NTNG2: variants seen among roughly 807,000 people sequenced by gnomAD.
NTNG2 encodes the protein netrin-G2.
Under a neutral mutation model 47.6 loss-of-function variants are expected in NTNG2, and 15 were observed. That is an observed-to-expected ratio of 0.32 (90% CI 0.21 to 0.49). The LOEUF (loss-of-function observed/expected upper bound fraction) is 0.49, where lower values mean the gene tolerates loss of function less well. NTNG2 is among the 20% of genes least tolerant of loss of function. The pLI, the probability that NTNG2 is intolerant of heterozygous loss-of-function variation, is 0.99. For synonymous variants in NTNG2, 307 were observed against 324.6 expected, an observed-to-expected ratio of 0.95 and a Z score of 0.58; for missense variants, 578 against 764.6, an observed-to-expected ratio of 0.76 and a Z score of 2.88.
At chr9:132,194,184 G>A (rs1838104797) in intron 2 of NTNG2, among the ~76,000 whole-genome samples, 1 of 152,212 alleles carries the variant, frequency 6.6e-6, no homozygotes, top group Non-Finnish European at 1.5e-5. Flanking sequence ...ACTTCAGGAA[G>A]GGAGTGATGG....
intron 2 of NTNG2, among the ~76,000 whole-genome samples, chr9:132,167,605 G>A (rs1449844268): frequency 6.6e-6 from 1 of 152,218 alleles, no homozygotes; most frequent in Non-Finnish European, 1.5e-5. Context: ...AGCTGGGACA[G>A]ACAGTGCAGC....
In NTNG2 at chr9:132,162,569, AGTGTGTGTGTGTGTGTGTGTGTGTGT is replaced by A. The variant is rs769570116; in HGVS notation, c.-484+353_-484+378del. 1.8e-5 allele frequency among the ~76,000 whole-genome samples: 2 copies of A among 112,404 alleles called. No homozygotes were observed. The highest frequency in any genetic ancestry group is 3.6e-5 in the Non-Finnish European group (2 of 55,294). The allele number at this position is 112,404 out of a possible 152,430, so 73.7% of individuals were successfully genotyped here. On this transcript the variant is annotated intron_variant, in intron 1 of 7. Transcript: ENST00000393229. This position sits in a 1 kb window ranked among gnomAD's most constrained non-coding sequence, Gnocchi z 4.6. ...GTGTGTGTGTGTGAGAGAGAGACAG[AGTGTGTGTGTGTGTGTGTGTGTGTGT>A]GTGTGTGTGTGTGTGTGTGTGTCGG... is the stretch of plus-strand genomic sequence containing the variant.
intron 3 of NTNG2, among the ~76,000 whole-genome samples, chr9:132,219,384 C>T (rs1248299455): frequency 1.3e-5 from 2 of 151,768 alleles, no homozygotes; most frequent in African/African-American, 2.4e-5. Context: ...ATTAGCATGG[C>T]CAACATGGCA....
chr9:132,175,349 G>A (rs1302162807), intron 2 of NTNG2, among the ~76,000 whole-genome samples: 1 of 152,190 alleles, frequency 6.6e-6, no homozygotes, highest in Non-Finnish European at 1.5e-5. Context: ...CTCTGAAGGA[G>A]CAAGAGGGGC....
chr9:132,225,557 A>G (rs1276376803), intron 3 of NTNG2, among the ~76,000 whole-genome samples: 2 of 152,214 alleles, frequency 1.3e-5, no homozygotes, highest in Non-Finnish European at 2.9e-5. Flanking sequence ...GGTGTGCACC[A>G]CCACGCCTAG....
rs1840145176 is a variant in NTNG2, at chr9:132,218,576, A to C, written c.858-8273A>C. Among the ~76,000 whole-genome samples, 1 of 152,002 alleles carries C rather than the reference A, an allele frequency of 6.6e-6. No homozygotes were observed. The highest frequency in any genetic ancestry group is 2.4e-5 in the African/African-American group (1 of 41,352). On this transcript the variant is annotated intron_variant, in intron 3 of 7. Transcript: ENST00000393229. The surrounding 1 kb of genome is among the most constrained non-coding windows in gnomAD (Gnocchi z 5.4). ...CAATGGCATGACCTCGGCCTACTGC[A>C]ACCTCCACCTGTTGGGTTCAAGCGA...
At chr9:132,188,838 G>A (rs1003437990) in intron 2 of NTNG2, among the ~76,000 whole-genome samples, 1 of 152,158 alleles carries the variant, frequency 6.6e-6, no homozygotes, top group Non-Finnish European at 1.5e-5. Flanking sequence ...CCGAGTCCCT[G>A]AGGAGGGCCG....
chr9:132,173,338 G>A (rs1041425691), intron 2 of NTNG2, among the ~76,000 whole-genome samples: 4 of 152,158 alleles, frequency 2.6e-5, no homozygotes, highest in African/African-American at 9.7e-5. Context: ...TGAGAAGACC[G>A]AGGCCCGGGG....
intron 2 of NTNG2, among the ~76,000 whole-genome samples, chr9:132,193,643 T>C (rs1173696922): frequency 6.6e-6 from 1 of 152,104 alleles, no homozygotes; most frequent in Non-Finnish European, 1.5e-5. Context: ...AGACATCCTC[T>C]GGGGAAATAG....
At chr9:132,234,114 G>C (rs865804885) in intron 5 of NTNG2, among the ~76,000 whole-genome samples, 1 of 148,046 alleles carries the variant, frequency 6.8e-6, no homozygotes, top group Non-Finnish European at 1.5e-5. Flanking sequence ...TGCAACCTCC[G>C]CCCCCCCAGG....
chr9:132,205,549 A>G (rs901803430), intron 3 of NTNG2, among the ~76,000 whole-genome samples: 2 of 152,206 alleles, frequency 1.3e-5, no homozygotes, highest in African/African-American at 2.4e-5. Context: ...CTTGCACAGC[A>G]CTGTGGATGT....
chr9:132,224,334 A>G (rs184604868), intron 3 of NTNG2, among the ~76,000 whole-genome samples: 4 of 152,210 alleles, frequency 2.6e-5, no homozygotes, highest in Non-Finnish European at 5.9e-5. Context: ...TGTTATTTAC[A>G]TTAGGACTCA....
At chr9:132,187,558 C>T (rs952733247) in intron 2 of NTNG2, among the ~76,000 whole-genome samples, 4 of 111,704 alleles carry the variant, frequency 3.6e-5, no homozygotes, top group African/African-American at 8.1e-5. Context: ...ACACAGAGAG[C>T]GAGAGGGAGC....
intron 6 of NTNG2, among the ~76,000 whole-genome samples, chr9:132,239,718 G>A (rs946376964): frequency 3.3e-5 from 5 of 152,234 alleles, no homozygotes; most frequent in African/African-American, 1.2e-4. Flanking sequence ...GGCCCAGTTG[G>A]GGGCCAAAAG....
At chr9:132,213,822 C>T (rs1839781582) in intron 3 of NTNG2, among the ~76,000 whole-genome samples, 3 of 152,228 alleles carry the variant, frequency 2.0e-5, no homozygotes, top group Non-Finnish European at 4.4e-5. Flanking sequence ...TACCAGAGCT[C>T]TGCGAGGCCA....
rs575068865 is a variant in NTNG2, at chr9:132,221,159, C to A, written c.858-5690C>A. Among the ~76,000 whole-genome samples, 1 of 152,184 alleles carries A rather than the reference C, an allele frequency of 6.6e-6. No homozygotes were observed. Among genetic ancestry groups the A allele is most frequent in the African/African-American group, 2.4e-5 (1 of 41,518 alleles). On this transcript the variant is annotated intron_variant, in intron 3 of 7. Coordinates refer to ENST00000393229, the MANE Select transcript of NTNG2 (RefSeq NM_032536.4). This position sits in a 1 kb window ranked among gnomAD's most constrained non-coding sequence, Gnocchi z 4.2. Reference sequence around the variant, plus strand: ...AGGTAGGGGTTGTGAAAGGCCTCCCCAAAGAAGTGGCATTTGGCCTAGAAT... The same window carrying A: ...AGGTAGGGGTTGTGAAAGGCCTCCCAAAAGAAGTGGCATTTGGCCTAGAAT...
chr9:132,166,726 C>T lies in NTNG2; in HGVS notation c.-106C>T, dbSNP rs1348777292. ...GTCCCTGGGACACCCCGGCCACCCT[C>T]GCCTGGTAGATGTGGCATTTCCATG... On this transcript the variant is annotated 5_prime_UTR_variant, in exon 2 of 8. Transcript: ENST00000393229. 10 of 1,066,672 alleles carry T rather than the reference C, an allele frequency of 9.4e-6. No individual in the cohort carries two copies. The highest frequency in any genetic ancestry group is 1.5e-5 in the African/African-American group (1 of 64,582). 66.1% of individuals were successfully genotyped at this position (1,066,672 alleles called of 1,614,324 possible). A position where few individuals can be genotyped will look rare whatever the true frequency, so the allele number is the denominator to read the frequency against.
intron 2 of NTNG2, among the ~76,000 whole-genome samples, chr9:132,175,028 G>C (rs1187912385): frequency 1.3e-5 from 2 of 152,168 alleles, no homozygotes; most frequent in Non-Finnish European, 2.9e-5. Flanking sequence ...GGCACAGGCT[G>C]TGGGCTCAGA....
chr9:132,198,685 T>A, intron 3 of NTNG2, 76 bp downstream of exon 3: 3 of 1,435,162 alleles, frequency 2.1e-6, no homozygotes, highest in Non-Finnish European at 2.9e-6. Context: ...ATTGGATACC[T>A]GGGATGTTAC....
Sources: gnomAD v4.1 joint callset for allele counts (sites outside exome capture counted in the v4.1 genomes callset) on GRCh38, gnomAD v4.1.1 for gene constraint, Gnocchi (gnomAD v3.1) non-coding constraint, MANE v1.5 for transcripts, NCBI Gene and HGNC (gene_info 2026-07-23, HGNC 2026-07-21) for gene names.